The following HDAC9 variants were observed in gnomAD, a reference collection of about 807,000 sequenced individuals.
The protein encoded by HDAC9 is MEF-2 interacting transcription repressor (MITR) protein.
HDAC9 carries 41 observed loss-of-function variants against 139.4 expected under a neutral mutation model. The observed-to-expected ratio is 0.29, with a 90% CI of 0.23 to 0.38. The LOEUF (loss-of-function observed/expected upper bound fraction) is 0.38. Among genes scored for constraint, HDAC9 ranks in the 10% least tolerant of loss-of-function variants. HDAC9 has a pLI of 1.00. For missense variants in HDAC9, 1,147 were observed against 1,297.0 expected, an observed-to-expected ratio of 0.88 and a Z score of 1.78; for synonymous variants, 517 against 476.2, an observed-to-expected ratio of 1.09 and a Z score of -1.12.
intron 6 of HDAC9, among the ~76,000 whole-genome samples, chr7:18,626,858 T>A (rs1486041339): frequency 1.3e-5 from 2 of 152,196 alleles, no homozygotes; most frequent in Non-Finnish European, 2.9e-5. Flanking sequence ...TTTTCCAATC[T>A]GTCAGCACAT....
At chr7:18,109,774 A>G (rs1346702704) in intron 1 of HDAC9, among the ~76,000 whole-genome samples, 1 of 152,178 alleles carries the variant, frequency 6.6e-6, no homozygotes. Context: ...ATCCACTTTA[A>G]TGTTGTTAAT....
intron 2 of HDAC9, among the ~76,000 whole-genome samples, chr7:18,510,310 G>A (rs1016107629): frequency 1.3e-5 from 2 of 152,112 alleles, no homozygotes; most frequent in African/African-American, 2.4e-5. Context: ...ATATGTGTCT[G>A]CATTCAAAAT....
intron 1 of HDAC9, among the ~76,000 whole-genome samples, chr7:18,096,368 C>A (rs1230788736): frequency 1.3e-5 from 2 of 152,158 alleles, no homozygotes; most frequent in Admixed American, 1.3e-4. Flanking sequence ...TTAGTTTATG[C>A]ATGATTCAAA....
intron 1 of HDAC9, among the ~76,000 whole-genome samples, chr7:18,127,493 G>C (rs961023987): frequency 1.3e-4 from 20 of 151,848 alleles, no homozygotes; most frequent in African/African-American, 4.8e-4. Context: ...CCCATTCTTT[G>C]CTTCTTTAGT....
At chr7:18,869,686 G>T (rs890980343) in intron 21 of HDAC9, among the ~76,000 whole-genome samples, 1 of 152,094 alleles carries the variant, frequency 6.6e-6, no homozygotes, top group Non-Finnish European at 1.5e-5. Context: ...CCACTGCTTG[G>T]CGTGTGGAGA....
chr7:18,272,971 C>T (rs1456594893), intron 2 of HDAC9, among the ~76,000 whole-genome samples: 4 of 148,532 alleles, frequency 2.7e-5, no homozygotes, highest in African/African-American at 9.9e-5. Context: ...ACTACTATTT[C>T]TTCCTCCTCT....
intron 14 of HDAC9, among the ~76,000 whole-genome samples, chr7:18,753,185 A>G (rs1049269271): frequency 1.3e-5 from 2 of 152,142 alleles, no homozygotes; most frequent in African/African-American, 4.8e-5. Context: ...AGACAATCAT[A>G]CAAATAAATA....
At chr7:18,715,450 A>G (rs927009037) in intron 12 of HDAC9, among the ~76,000 whole-genome samples, 7 of 152,152 alleles carry the variant, frequency 4.6e-5, no homozygotes, top group African/African-American at 1.7e-4. Flanking sequence ...AGGAAGGGTA[A>G]AATAGAGATA....
At chr7:18,748,843 T>C (rs1305692514) in intron 13 of HDAC9, among the ~76,000 whole-genome samples, 162 bp from the exon 14 acceptor site, 1 of 152,214 alleles carries the variant, frequency 6.6e-6, no homozygotes, top group Non-Finnish European at 1.5e-5. Flanking sequence ...CAGGTCTCAA[T>C]AGTTCTTATG....
chr7:18,926,531 C>G (rs1804244140), intron 22 of HDAC9, among the ~76,000 whole-genome samples: 2 of 152,066 alleles, frequency 1.3e-5, no homozygotes, highest in South Asian at 4.2e-4. Context: ...TATAATAACT[C>G]ATATCTAATA....
In HDAC9 at chr7:18,885,192, ACAT is replaced by A. The variant is rs200119632; in HGVS notation, c.2803+10600_2803+10602del. 5.4e-3 allele frequency among the ~76,000 whole-genome samples: 817 copies of A among 152,352 alleles called. 6 individuals carry two copies. Among genetic ancestry groups the A allele is most frequent in the Non-Finnish European group, 7.6e-3 (518 of 68,032 alleles). On this transcript the variant is annotated intron_variant, in intron 22 of 25. Transcript: ENST00000686413. ...GCACAGCCTGGTCGTCCAGCAGAAAACATCATAATTCTGGCCTGGGCCATCAGA... is the reference window on the plus strand; with the variant it reads ...GCACAGCCTGGTCGTCCAGCAGAAAACATAATTCTGGCCTGGGCCATCAGA...
chr7:18,438,252 A>G (rs1220100247), intron 1 of HDAC9, among the ~76,000 whole-genome samples: 1 of 152,144 alleles, frequency 6.6e-6, no homozygotes, highest in Non-Finnish European at 1.5e-5. Flanking sequence ...TTAATAAATT[A>G]TCAAGAAAAA....
chr7:18,691,253 A>G (rs1303120314), intron 12 of HDAC9, among the ~76,000 whole-genome samples: 1 of 152,014 alleles, frequency 6.6e-6, no homozygotes, highest in East Asian at 1.9e-4. Context: ...GTTACCTGCT[A>G]CTTCCTAACA....
chr7:18,356,358 GTTTTTTTTTTT>G (rs5882659), intron 1 of HDAC9, among the ~76,000 whole-genome samples: 21 of 55,162 alleles, frequency 3.8e-4, no homozygotes, highest in South Asian at 1.8e-3. Context: ...CAGCACATAG[GTTTTTTTTTTT>G]TTTTTTTTTT....
rs560320804 is a variant in HDAC9, at chr7:18,556,038, A to G, written c.23-29243A>G. Among the ~76,000 whole-genome samples the G allele has an allele frequency of 7.9e-5, 12 of 152,136 alleles. No individual in the cohort carries two copies. In the South Asian group the frequency reaches 1.0e-3, roughly 13 times the overall value. On this transcript the variant is annotated intron_variant, in intron 2 of 25. Transcript: ENST00000686413. ...CTTGAATTATTTTTCTTTAGTAAATATATCTTTTTAATTGGAAAAATAAAT... is the reference window on the plus strand; with the variant it reads ...CTTGAATTATTTTTCTTTAGTAAATGTATCTTTTTAATTGGAAAAATAAAT...
chr7:18,227,817 T>C (rs898186435), intron 2 of HDAC9, among the ~76,000 whole-genome samples: 3 of 152,202 alleles, frequency 2.0e-5, no homozygotes, highest in African/African-American at 7.2e-5. Flanking sequence ...TTGAGAACTT[T>C]TGTTTGCATT....
chr7:18,974,260 T>G (rs567017769), intron 24 of HDAC9, among the ~76,000 whole-genome samples: 2 of 152,334 alleles, frequency 1.3e-5, no homozygotes, highest in East Asian at 3.9e-4. Flanking sequence ...TAGGAGCACA[T>G]TTGCACTCTA....
rs2023936 is a variant in HDAC9, at chr7:18,999,444, C to G, written c.*3382C>G. On this transcript the variant is annotated 3_prime_UTR_variant, in exon 26 of 26. Coordinates refer to ENST00000686413, the MANE Select transcript of HDAC9 (RefSeq NM_178425.4). ...AGTCTCCTGGGAAAAAATTCCTCTT[C>G]AATCAGCATTTTAAAACTTTTTTAT... The G allele has an allele frequency of 0.25, 38,086 of 152,122 alleles. 5,016 individuals carry two copies. The highest frequency in any genetic ancestry group is 0.35 in the East Asian group (1,790 of 5,164). The allele number at this position is 152,122 out of a possible 1,614,324, so 9.4% of individuals were successfully genotyped here. A position where few individuals can be genotyped will look rare whatever the true frequency, so the allele number is the denominator to read the frequency against.
chr7:18,837,130 A>G (rs1460118478), intron 21 of HDAC9, among the ~76,000 whole-genome samples: 1 of 151,862 alleles, frequency 6.6e-6, no homozygotes, highest in African/African-American at 2.4e-5. Context: ...TAAAAAATAC[A>G]TTTAAAATAA....
Sources: allele counts gnomAD v4.1 joint callset (sites outside exome capture counted in the v4.1 genomes callset), GRCh38; gene constraint gnomAD v4.1.1; transcripts MANE v1.5; gene names NCBI Gene and HGNC (gene_info 2026-07-23, HGNC 2026-07-21).